Variants in ITGBL1 observed in about 807,000 individuals in gnomAD.
ITGBL1 encodes the protein integrin beta-like protein 1.
Under a neutral mutation model 68.5 loss-of-function variants are expected in ITGBL1, and 51 were observed. The observed-to-expected ratio is 0.74, with a 90% CI of 0.59 to 0.94. The LOEUF (loss-of-function observed/expected upper bound fraction) is 0.94, where lower values mean the gene tolerates loss of function less well. Ranked by LOEUF, ITGBL1 falls within the 40% of genes least tolerant of loss-of-function variation. The probability of loss-of-function intolerance (pLI) is 0.00; values close to 1 mark genes in which losing one functional copy is unlikely to be tolerated. For missense variants in ITGBL1, 649 were observed against 647.4 expected (o/e 1.00, Z -0.03); for synonymous variants, 209 against 227.3 (o/e 0.92, Z 0.72).
chr13:101,672,976 AT>A (rs1323069700), intron 7 of ITGBL1, among the ~76,000 whole-genome samples: 2 of 152,156 alleles, frequency 1.3e-5, no homozygotes, highest in Admixed American at 1.3e-4. Flanking sequence ...AAGCTAGACA[AT>A]TTGATGTAAA....
chr13:101,454,093 C>T lies in ITGBL1; in HGVS notation c.309C>T (p.Thr103=). Residue 103 remains threonine (T), a synonymous_variant, in exon 2 of 11, where the codon ACC becomes ACT. Transcript: ENST00000376180. Reference sequence around the variant, plus strand: ...TGTGCGAGACCTACGACGGGAGCACCTGTGCAGGTAAGAGGGCGGCGCTGT... The same window carrying T: ...TGTGCGAGACCTACGACGGGAGCACTTGTGCAGGTAAGAGGGCGGCGCTGT... The part of the protein sequence containing the change: ...EWVCETYDGS[T]CAGHGKCDCG... The T allele has an allele frequency of 6.4e-7, 1 of 1,566,842 alleles. No individual in the cohort carries two copies. The highest frequency in any genetic ancestry group is 8.7e-7 in the Non-Finnish European group (1 of 1,155,806).
In ITGBL1 at chr13:101,715,789, A is replaced by G; in HGVS notation, c.*135A>G. The G allele has an allele frequency of 1.8e-6, 1 of 569,970 alleles. No individual in the cohort carries two copies. Among genetic ancestry groups the G allele is most frequent in the South Asian group, 2.8e-5 (1 of 36,034 alleles). The allele number at this position is 569,970 out of a possible 1,614,324, so 35.3% of individuals were successfully genotyped here. A position where few individuals can be genotyped will look rare whatever the true frequency, so the allele number is the denominator to read the frequency against. ...TATGTTTTTCTATTTCTGAATTACG[A>G]ATGAAATCCGAGTACCTATTAGAAA... On this transcript the variant is annotated 3_prime_UTR_variant, in exon 11 of 11. Transcript: ENST00000376180.
At chr13:101,626,653 T>C (rs1190071801) in intron 7 of ITGBL1, among the ~76,000 whole-genome samples, 1 of 152,182 alleles carries the variant, frequency 6.6e-6, no homozygotes, top group Non-Finnish European at 1.5e-5. Flanking sequence ...AAATGAAGGA[T>C]TTGAATTTAA....
intron 9 of ITGBL1, among the ~76,000 whole-genome samples, chr13:101,708,195 C>T (rs930872670): frequency 2.0e-5 from 3 of 152,136 alleles, no homozygotes; most frequent in Non-Finnish European, 4.4e-5. Context: ...CATTGTAATG[C>T]ATATGGCATC....
chr13:101,558,358 G>A (rs2050044464), intron 2 of ITGBL1, among the ~76,000 whole-genome samples: 1 of 152,030 alleles, frequency 6.6e-6, no homozygotes, highest in East Asian at 1.9e-4. Context: ...TTACCTTTTG[G>A]ATATAATGTT....
At chr13:101,579,490 C>T (rs1405551131) in intron 5 of ITGBL1, 63 bp downstream of exon 5, 1 of 1,523,406 alleles carries the variant, frequency 6.6e-7, no homozygotes, top group Non-Finnish European at 8.9e-7. Flanking sequence ...ATTGTTAACA[C>T]TTCTTTTCTT....
chr13:101,680,834 G>A (rs982376342), intron 7 of ITGBL1, among the ~76,000 whole-genome samples: 8 of 152,064 alleles, frequency 5.3e-5, no homozygotes, highest in African/African-American at 1.7e-4. Flanking sequence ...TATGCACCAA[G>A]ATTAAAATCC....
intron 9 of ITGBL1, chr13:101,711,611 G>C (rs568601639): frequency 1.3e-5 from 2 of 152,226 alleles, no homozygotes; most frequent in Non-Finnish European, 2.9e-5. Context: ...GAAGTCTTCA[G>C]TTAACTGTTT....
At chr13:101,582,569 T>A (rs1299308969) in intron 5 of ITGBL1, among the ~76,000 whole-genome samples, 1 of 152,096 alleles carries the variant, frequency 6.6e-6, no homozygotes, top group African/African-American at 2.4e-5. Context: ...ATCTCCAACA[T>A]TCTCTATAAT....
intron 1 of ITGBL1, among the ~76,000 whole-genome samples, chr13:101,453,177 A>G (rs555424339): frequency 2.6e-5 from 4 of 152,354 alleles, no homozygotes; most frequent in Non-Finnish European, 4.4e-5. Context: ...CTGCAAATAC[A>G]TATCAGGAGG....
intron 2 of ITGBL1, among the ~76,000 whole-genome samples, chr13:101,511,427 A>C (rs541076200): frequency 6.6e-6 from 1 of 152,252 alleles, no homozygotes; most frequent in South Asian, 2.1e-4. Flanking sequence ...CAATATGACA[A>C]AAGTGATAGA....
chr13:101,583,078 C>T, intron 5 of ITGBL1, 138 bp from the exon 6 acceptor site: 13 of 768,226 alleles, frequency 1.7e-5, no homozygotes, highest in Non-Finnish European at 1.9e-5. Flanking sequence ...GGTGTTTTTC[C>T]TTTTTAGAAT....
At chr13:101,577,831 A>G (rs1030299976) in intron 4 of ITGBL1, among the ~76,000 whole-genome samples, 2 of 152,194 alleles carry the variant, frequency 1.3e-5, no homozygotes. Context: ...TTTTAAGTTC[A>G]TAAATAAGAT....
intron 2 of ITGBL1, among the ~76,000 whole-genome samples, chr13:101,535,906 AT>A (rs2049566469): frequency 6.6e-6 from 1 of 152,102 alleles, no homozygotes; most frequent in African/African-American, 2.4e-5. Context: ...AATTGGCTTA[AT>A]TTGTGTTGAA....
chr13:101,647,312 A>G (rs2032591163), intron 7 of ITGBL1, among the ~76,000 whole-genome samples: 1 of 152,206 alleles, frequency 6.6e-6, no homozygotes, highest in Non-Finnish European at 1.5e-5. Flanking sequence ...AAAACCATCT[A>G]TGATGAGAAA....
chr13:101,509,929 T>C (rs929569915), intron 2 of ITGBL1, among the ~76,000 whole-genome samples: 4 of 152,116 alleles, frequency 2.6e-5, no homozygotes, highest in African/African-American at 9.7e-5. Flanking sequence ...CAGAGTGCCT[T>C]CCTAGACATG....
intron 2 of ITGBL1, among the ~76,000 whole-genome samples, chr13:101,507,985 G>A (rs1350359283): frequency 6.6e-6 from 1 of 151,976 alleles, no homozygotes; most frequent in African/African-American, 2.4e-5. Context: ...TCTGCAGCTG[G>A]CTCTACAACT....
At chr13:101,580,461 T>G (rs987870343) in intron 5 of ITGBL1, among the ~76,000 whole-genome samples, 1 of 152,234 alleles carries the variant, frequency 6.6e-6, no homozygotes, top group East Asian at 1.9e-4. Flanking sequence ...ATTATTATAC[T>G]TTAAGTTCTA....
At chr13:101,678,906 A>C (rs2033571776) in intron 7 of ITGBL1, among the ~76,000 whole-genome samples, 1 of 141,602 alleles carries the variant, frequency 7.1e-6, no homozygotes, top group Non-Finnish European at 1.5e-5. Flanking sequence ...TTCAAGAAAC[A>C]CTTTTTTTAA....
Sources: gnomAD v4.1 joint callset for allele counts (sites outside exome capture counted in the v4.1 genomes callset) on GRCh38, gnomAD v4.1.1 for gene constraint, MANE v1.5 for transcripts, NCBI Gene and HGNC (gene_info 2026-07-23, HGNC 2026-07-21) for gene names.